DGKB: variants seen among roughly 807,000 people sequenced by gnomAD.
DGKB encodes the protein 90 kDa diacylglycerol kinase.
DGKB carries 67 observed loss-of-function variants against 114.3 expected under a neutral mutation model. The observed-to-expected ratio is 0.59, with a 90% confidence interval of 0.48 to 0.72. DGKB has a LOEUF of 0.72. Among genes scored for constraint, DGKB ranks in the 30% least tolerant of loss-of-function variants. DGKB has a pLI of 0.00. For missense variants in DGKB, 907 were observed against 975.2 expected (o/e 0.93, Z 0.93); for synonymous variants, 398 against 323.1 (o/e 1.23, Z -2.49).
chr7:14,821,276 T>C (rs1844896463), intron 2 of DGKB, among the ~76,000 whole-genome samples: 1 of 152,216 alleles, frequency 6.6e-6, no homozygotes, highest in African/African-American at 2.4e-5. Flanking sequence ...GCCTATTATA[T>C]ATTAAATGCC....
intron 2 of DGKB, 41 bp from the exon 3 acceptor site, chr7:14,757,772 T>C (rs773226612): frequency 2.6e-6 from 3 of 1,163,362 alleles, no homozygotes; most frequent in South Asian, 1.3e-5. Flanking sequence ...TATATGCACA[T>C]ACTGTGGTTG....
chr7:14,184,044 G>A (rs1783026721), intron 23 of DGKB, among the ~76,000 whole-genome samples: 1 of 152,158 alleles, frequency 6.6e-6, no homozygotes, highest in Non-Finnish European at 1.5e-5. Flanking sequence ...CAGTCCATTT[G>A]CAGGAGAAGT....
At chr7:14,618,414 C>G (rs1168158114) in intron 15 of DGKB, among the ~76,000 whole-genome samples, 2 of 151,536 alleles carry the variant, frequency 1.3e-5, no homozygotes, top group African/African-American at 2.4e-5. Flanking sequence ...CTTAAATGAC[C>G]CTTTTATTTG....
chr7:14,647,350 C>T (rs62445647), intron 13 of DGKB, among the ~76,000 whole-genome samples: 9,257 of 152,182 alleles, frequency 0.061, 492 homozygotes, highest in African/African-American at 0.14. Context: ...ACAACAACAA[C>T]AACAACAACA....
At chr7:14,404,210 G>A (rs1823581860) in intron 21 of DGKB, among the ~76,000 whole-genome samples, 1 of 150,450 alleles carries the variant, frequency 6.6e-6, no homozygotes, top group Non-Finnish European at 1.5e-5. Flanking sequence ...AGAAACTGTT[G>A]GATGCTGATA....
chr7:14,936,665 G>C (rs1472700623), intron 1 of DGKB, among the ~76,000 whole-genome samples: 1 of 152,056 alleles, frequency 6.6e-6, no homozygotes, highest in Admixed American at 6.6e-5. Context: ...GCCTGTTTGC[G>C]GGCTCGGCAT....
chr7:14,958,742 C>G (rs771784399), intron 1 of DGKB, among the ~76,000 whole-genome samples: 7 of 152,004 alleles, frequency 4.6e-5, no homozygotes, highest in Non-Finnish European at 1.0e-4. Context: ...TAACTGTTTT[C>G]ATAAAGCAAG....
chr7:14,289,039 A>G lies in DGKB; in HGVS notation c.2122+49476T>C, dbSNP rs963547229. Among the ~76,000 whole-genome samples the G allele has an allele frequency of 5.9e-5, 9 of 152,200 alleles. No homozygotes were observed. The East Asian group carries it at 1.5e-3, about 26-fold the overall frequency. On this transcript the variant is annotated intron_variant, in intron 23 of 25. Coordinates refer to ENST00000402815, the MANE Select transcript of DGKB (RefSeq NM_001350709.2). ...TTTGTAGCATGCTGTTCTTTGGCAT[A>G]CTTTTTCAGAATGTAAGAACAGATT...
At chr7:14,634,587 T>C (rs1206355340) in intron 13 of DGKB, among the ~76,000 whole-genome samples, 1 of 151,192 alleles carries the variant, frequency 6.6e-6, no homozygotes, top group Non-Finnish European at 1.5e-5. Flanking sequence ...GTGTAGTAGT[T>C]AAAGTGTTCC....
intron 13 of DGKB, among the ~76,000 whole-genome samples, chr7:14,664,242 A>G (rs1226326200): frequency 6.6e-6 from 1 of 151,988 alleles, no homozygotes; most frequent in Non-Finnish European, 1.5e-5. Context: ...ATCTATTTTG[A>G]AATCACATCA....
intron 25 of DGKB, among the ~76,000 whole-genome samples, chr7:14,159,318 T>C (rs1445448918): frequency 6.6e-6 from 1 of 152,296 alleles, no homozygotes; most frequent in Non-Finnish European, 1.5e-5. Flanking sequence ...CCTTCTCCTC[T>C]TTTAGTTTTC....
intron 1 of DGKB, among the ~76,000 whole-genome samples, chr7:14,852,488 A>AAAAAAAAAAAAACAAAAAC (rs1554304271): frequency 2.0e-5 from 1 of 50,406 alleles, no homozygotes; most frequent in Admixed American, 2.7e-4. Flanking sequence ...AGTGAAAGTC[A>AAAAAAAAAAAAACAAAAAC]AAAAAAAAAC....
At chr7:14,411,186 G>A (rs949353024) in intron 21 of DGKB, among the ~76,000 whole-genome samples, 1 of 152,118 alleles carries the variant, frequency 6.6e-6, no homozygotes, top group Non-Finnish European at 1.5e-5. Flanking sequence ...CTTTGTGTTC[G>A]ATGATTTTCC....
At chr7:14,487,701 C>A (rs7777633) in intron 20 of DGKB, among the ~76,000 whole-genome samples, 77,128 of 150,210 alleles carry the variant, frequency 0.51, 20,263 homozygotes, top group East Asian at 0.86. Flanking sequence ...TCCTGGGCTC[C>A]AGTGATCCTC....
At chr7:14,315,398 C>G (rs1429799808) in intron 23 of DGKB, among the ~76,000 whole-genome samples, 1 of 150,204 alleles carries the variant, frequency 6.7e-6, no homozygotes, top group African/African-American at 2.4e-5. Context: ...ATCTCACGTG[C>G]AGAGACACAC....
chr7:14,517,601 A>C (rs1327778022), intron 20 of DGKB, among the ~76,000 whole-genome samples: 1 of 152,136 alleles, frequency 6.6e-6, no homozygotes, highest in Non-Finnish European at 1.5e-5. Context: ...CCAGAAATTT[A>C]AACAAATTTA....
intron 5 of DGKB, among the ~76,000 whole-genome samples, chr7:14,728,891 C>T (rs1028073607): frequency 9.2e-5 from 14 of 151,478 alleles, no homozygotes; most frequent in Non-Finnish European, 1.3e-4. Context: ...TTAGTAAAGA[C>T]GGGTTTCACT....
At chr7:14,889,799 C>T (rs1305259368) in intron 1 of DGKB, among the ~76,000 whole-genome samples, 1 of 151,464 alleles carries the variant, frequency 6.6e-6, no homozygotes. Context: ...GGAATCTGAA[C>T]AGCATAAGAT....
chr7:14,806,013 T>C (rs1178023388), intron 2 of DGKB, among the ~76,000 whole-genome samples: 2 of 151,738 alleles, frequency 1.3e-5, no homozygotes, highest in African/African-American at 4.8e-5. Flanking sequence ...TTTATATATA[T>C]TCTAGGATAT....
Sources: allele counts gnomAD v4.1 joint callset (sites outside exome capture counted in the v4.1 genomes callset), GRCh38; gene constraint gnomAD v4.1.1; transcripts MANE v1.5; gene names NCBI Gene and HGNC (gene_info 2026-07-23, HGNC 2026-07-21).